PLXNB2: variants seen among roughly 807,000 people sequenced by gnomAD.
The protein encoded by PLXNB2 is plexin B2.
PLXNB2 carries 85 observed loss-of-function variants against 202.6 expected under a neutral mutation model. That is an observed-to-expected ratio of 0.42 (90% CI 0.35 to 0.50). The LOEUF (loss-of-function observed/expected upper bound fraction) is 0.50. Ranked by LOEUF, PLXNB2 falls within the 20% of genes least tolerant of loss-of-function variation. The pLI is 0.02. For missense variants in PLXNB2, 2,063 were observed against 2,586.2 expected (o/e 0.80, Z 4.39); for synonymous variants, 1,239 against 1,137.6 (o/e 1.09, Z -1.79).
intron 1 of PLXNB2, among the ~76,000 whole-genome samples, chr22:50,303,378 A>G (rs1233091504): frequency 6.6e-6 from 1 of 152,172 alleles, no homozygotes; most frequent in Non-Finnish European, 1.5e-5. Flanking sequence ...GCCTGGAAGG[A>G]GCAGACAGTG....
chr22:50,290,017 G>C lies in PLXNB2; in HGVS notation c.568C>G (p.Arg190Gly), dbSNP rs377754571. ...TCAAAGGCCTCCCTGCTGTCAGTCC[G>C]GTCCAACAGCCGAGTGCTCACGATG... The part of the protein sequence containing the change: ...GIIVSTRLLD[R>G]TDSREAFEAY... Residue 190 changes from arginine (R) to glycine (G), a missense_variant, in exon 3 of 37, where the codon CGG becomes GGG. Physicochemically the swap from Arg to Gly is moderately radical, Grantham distance 125. Coordinates refer to ENST00000359337, the MANE Select transcript of PLXNB2 (RefSeq NM_012401.4). 1.2e-6 allele frequency: 2 copies of C among 1,613,274 alleles called. No individual in the cohort carries two copies. Among genetic ancestry groups the C allele is most frequent in the African/African-American group, 2.7e-5 (2 of 74,938 alleles).
At position 50,278,432 on chromosome 22, in the gene PLXNB2, C is replaced by A; in HGVS notation, c.4732+3G>T. 1 of 1,559,362 alleles carries A rather than the reference C, an allele frequency of 6.4e-7. No homozygotes were observed. Among genetic ancestry groups the A allele is most frequent in the Non-Finnish European group, 8.7e-7 (1 of 1,151,626 alleles). On this transcript the variant is annotated splice_donor_region_variant and intron_variant, in intron 30 of 36. Transcript: ENST00000359337. ...AGGAAACGGGCAACAGGGAGGGACT[C>A]ACGCTCCCCAGGCAGGTCCTGCTGG... is the stretch of plus-strand genomic sequence containing the variant.
chr22:50,307,442 G>C, intron 1 of PLXNB2, 111 bp downstream of exon 1: 1 of 546,204 alleles, frequency 1.8e-6, no homozygotes, highest in East Asian at 1.5e-4. Context: ...CGCAGCCGCC[G>C]CAGGTCCCCG....
intron 25 of PLXNB2, 91 bp downstream of exon 25, chr22:50,280,398 C>T (rs1221475784): frequency 1.3e-5 from 16 of 1,261,320 alleles, no homozygotes; most frequent in Non-Finnish European, 1.7e-5. Context: ...CTCCTGGGGG[C>T]CCAACAGGCC....
chr22:50,287,001 G>C, intron 8 of PLXNB2, 110 bp downstream of exon 8: 1 of 1,112,940 alleles, frequency 9.0e-7, no homozygotes, highest in South Asian at 1.8e-5. Context: ...CAGCCGCGGA[G>C]TGTGCCTGTG....
chr22:50,291,448 T>A lies in PLXNB2; in HGVS notation c.-13-851A>T, dbSNP rs1406354717. 2.0e-5 allele frequency among the ~76,000 whole-genome samples: 3 copies of A among 151,982 alleles called. No individual in the cohort carries two copies. The highest frequency in any genetic ancestry group is 2.9e-5 in the Non-Finnish European group (2 of 67,974). On this transcript the variant is annotated intron_variant, in intron 2 of 36. Coordinates refer to ENST00000359337, the MANE Select transcript of PLXNB2 (RefSeq NM_012401.4). The surrounding 1 kb of genome is among the most constrained non-coding windows in gnomAD (Gnocchi z 4.3). ...CACGTCTCGGTGTGGGGTCTGTGCC[T>A]GGGTCCGGGTGGATGAGGGGGATGT...
rs747951490 is a variant in PLXNB2 at position 50,289,735 on chromosome 22, C to T, written c.850G>A (p.Val284Met). 1.9e-5 allele frequency: 31 copies of T among 1,612,204 alleles called. No homozygotes were observed. Among genetic ancestry groups the T allele is most frequent in the African/African-American group, 5.3e-5 (4 of 74,948 alleles). ...ACCCTGCCAGAGCCAGGCGCAGCCA[C>T]GGAGGCGGCCAGGCAGGTGCCAAAG... ...AAFGTCLAAS[V>M]AAPGSGRVLY... is the part of the protein sequence containing the mutation. Residue 284 changes from valine (V) to methionine (M), a missense_variant, in exon 3 of 37, where the codon GTG (valine) becomes ATG (methionine). Around this residue, in one of 2 missense-constraint regions of PLXNB2, gnomAD observed 1,303 missense variants for 1,476.8 expected, o/e 0.88. Coordinates refer to ENST00000359337, the MANE Select transcript of PLXNB2 (RefSeq NM_012401.4). The surrounding 1 kb of genome is among the most constrained non-coding windows in gnomAD (Gnocchi z 8.0).
chr22:50,279,699 T>A lies in PLXNB2; in HGVS notation c.4320A>T (p.Val1440=). 3 of 1,613,954 alleles carry A rather than the reference T, an allele frequency of 1.9e-6. No individual in the cohort carries two copies. The highest frequency in any genetic ancestry group is 2.5e-6 in the Non-Finnish European group (3 of 1,179,938). The change falls in exon 27 of 37, where the codon GTA becomes GTT. Residue 1440 remains valine (V), a synonymous_variant. Coordinates refer to ENST00000359337, the MANE Select transcript of PLXNB2 (RefSeq NM_012401.4). ...HQVEKGPVDA[V]QKKAKYTLND... The stretch of plus-strand genomic sequence containing the variant: ...TGAGAGTGTACTTGGCCTTCTTCTG[T>A]ACCGCATCCACCGGGCCCTTTTCCA...
Position 50,288,101 on chromosome 22 carries a change from G to A in PLXNB2, c.1381-64C>T. The stretch of plus-strand genomic sequence containing the variant: ...CCGCACGGGCCTTCCGCAGACCCCA[G>A]ATGTCCCCAGACCGCCAGCTTGACC... On this transcript the variant is annotated intron_variant, in intron 5 of 36. Coordinates refer to ENST00000359337, the MANE Select transcript of PLXNB2 (RefSeq NM_012401.4). This position sits in a 1 kb window ranked among gnomAD's most constrained non-coding sequence, Gnocchi z 5.0. 1 of 1,266,402 alleles carries A rather than the reference G, an allele frequency of 7.9e-7. No individual in the cohort carries two copies. The highest frequency in any genetic ancestry group is 2.1e-5 in the Admixed American group (1 of 47,410). 78.4% of individuals were successfully genotyped at this position (1,266,402 alleles called of 1,614,324 possible).
Position 50,289,792 on chromosome 22 carries a change from G to C in PLXNB2, c.793C>G (p.Gln265Glu), listed in dbSNP as rs2066740036. 2 of 1,613,108 alleles carry C rather than the reference G, an allele frequency of 1.2e-6. No individual in the cohort carries two copies. Among genetic ancestry groups the C allele is most frequent in the East Asian group, 4.5e-5 (2 of 44,892 alleles). The change falls in exon 3 of 37, where the codon CAG becomes GAG. Residue 265 changes from glutamine to glutamate, a missense_variant. This residue lies in a region of PLXNB2 where 1,303 missense variants were observed against 1,476.8 expected (regional missense o/e 0.88). Coordinates refer to ENST00000359337, the MANE Select transcript of PLXNB2 (RefSeq NM_012401.4). The surrounding 1 kb of genome is among the most constrained non-coding windows in gnomAD (Gnocchi z 8.0). ...NYYSYLEMDLQCRDPDIHAAA... is the reference protein window; with the variant it reads ...NYYSYLEMDLECRDPDIHAAA... ...GCGTGGATGTCGGGGTCCCGGCACTGCAGGTCCATCTCCAGGTAGGAGTAG... is the reference window on the plus strand; with the variant it reads ...GCGTGGATGTCGGGGTCCCGGCACTCCAGGTCCATCTCCAGGTAGGAGTAG...
chr22:50,276,870 TCTC>T lies in PLXNB2; in HGVS notation c.5230_5232del (p.Glu1744del). 4 of 1,606,342 alleles carry T rather than the reference TCTC, an allele frequency of 2.5e-6. No homozygotes were observed. The highest frequency in any genetic ancestry group is 3.4e-6 in the Non-Finnish European group (4 of 1,176,266). ...TCCACCATCTTCTTGTAGGTGGAGA[TCTC>T]CTTGGCGTACAGCAGCTTGTTGCTG... On this transcript the variant is annotated inframe_deletion, in exon 34 of 37. Coordinates refer to ENST00000359337, the MANE Select transcript of PLXNB2 (RefSeq NM_012401.4).
rs750104891 is a variant in PLXNB2 at position 50,283,810 on chromosome 22, A to AG, written c.2421+22dup. 3.1e-6 allele frequency: 5 copies of AG among 1,611,658 alleles called. No individual in the cohort carries two copies. In the South Asian group the frequency reaches 4.4e-5, roughly 14 times the overall value. On this transcript the variant is annotated intron_variant, in intron 14 of 36. Transcript: ENST00000359337. ...TCATGCCAGGGACGAGGGAAGGTGT[A>AG]GGCCAGGCTTCGAGGGGCTCACCCT...
In PLXNB2 at chr22:50,278,493, C is replaced by T. The variant is rs372033464; in HGVS notation, c.4674G>A (p.Leu1558=). 6.3e-5 allele frequency: 98 copies of T among 1,563,608 alleles called. 1 individual carries two copies. Among genetic ancestry groups the T allele is most frequent in the African/African-American group, 4.1e-5 (3 of 73,584 alleles). Residue 1558 remains leucine, a synonymous_variant, in exon 30 of 37, where the codon CTG becomes CTA. Coordinates refer to ENST00000359337, the MANE Select transcript of PLXNB2 (RefSeq NM_012401.4). ...YNVRDGATLI[L]SKVGVSQQPE... is the part of the protein sequence containing the mutation. ...GCTGCTGGGAGACCCCCACCTTGGA[C>T]AGGATGAGGGTGGCTCCATCCCGGA...
In PLXNB2 at chr22:50,282,238, C is replaced by G. The variant is rs1318244384; in HGVS notation, c.3063G>C (p.Glu1021Asp). 1.2e-6 allele frequency: 2 copies of G among 1,612,270 alleles called. No individual in the cohort carries two copies. Among genetic ancestry groups the G allele is most frequent in the Non-Finnish European group, 1.7e-6 (2 of 1,179,870 alleles). Residue 1021 changes from glutamate to aspartate, a missense_variant, in exon 19 of 37, where the codon GAG becomes GAC. Coordinates refer to ENST00000359337, the MANE Select transcript of PLXNB2 (RefSeq NM_012401.4). ...IQRFAMVVIA[E>D]PLQSWQPPRE... is the part of the protein sequence containing the mutation. ...GCGGCGGCTGCCAGGACTGCAGGGG[C>G]TCCGCGATGACCACCATGGCAAACC...
rs1181277464 is a variant in PLXNB2 at position 50,284,269 on chromosome 22, CG to C, written c.2182-57del. On this transcript the variant is annotated intron_variant, in intron 12 of 36. Transcript: ENST00000359337. The surrounding 1 kb of genome is among the most constrained non-coding windows in gnomAD (Gnocchi z 8.0). The stretch of plus-strand genomic sequence containing the variant: ...CCTGCCCCCACAGAGGGGCGTGGGG[CG>C]GGGGTCACAAGGGCAGCCTCCCTGT... 4 of 1,525,898 alleles carry C rather than the reference CG, an allele frequency of 2.6e-6. No individual in the cohort carries two copies. The highest frequency in any genetic ancestry group is 1.1e-5 in the South Asian group (1 of 89,288). The allele number at this position is 1,525,898 out of a possible 1,614,324, so 94.5% of individuals were successfully genotyped here.
chr22:50,280,714 G>GGCCGCCCC, intron 24 of PLXNB2, 30 bp downstream of exon 24: 1 of 1,528,918 alleles, frequency 6.5e-7, no homozygotes, highest in Non-Finnish European at 8.9e-7. Flanking sequence ...CCACCTGTGT[G>GGCCGCCCC]CCCTCCCGCC....
chr22:50,304,063 C>A (rs1569186193), intron 1 of PLXNB2, among the ~76,000 whole-genome samples: 4 of 152,228 alleles, frequency 2.6e-5, no homozygotes. Flanking sequence ...CCATAGCGGG[C>A]CACGGTGTGG....
chr22:50,277,273 C>G (rs2065670699), intron 33 of PLXNB2, among the ~76,000 whole-genome samples: 1 of 151,334 alleles, frequency 6.6e-6, no homozygotes, highest in African/African-American at 2.4e-5. Flanking sequence ...TGCACTCCAG[C>G]CTGGGCGACA....
rs1461936943 is a variant in PLXNB2 at position 50,278,101 on chromosome 22, A to C, written c.4887+16T>G. The C allele has an allele frequency of 6.2e-6, 10 of 1,602,166 alleles. No homozygotes were observed. The highest frequency in any genetic ancestry group is 1.3e-5 in the African/African-American group (1 of 74,564). On this transcript the variant is annotated intron_variant, in intron 31 of 36. Coordinates refer to ENST00000359337, the MANE Select transcript of PLXNB2 (RefSeq NM_012401.4). The stretch of plus-strand genomic sequence containing the variant: ...CGTGGCGGCCTGGTGCCGCCCACAC[A>C]CCCATGGGGGCCCACCTTGACTGAG...
Sources: allele counts gnomAD v4.1 joint callset (sites outside exome capture counted in the v4.1 genomes callset), GRCh38; gene constraint gnomAD v4.1.1; regional missense constraint gnomAD v4.1.1; non-coding constraint Gnocchi (gnomAD v3.1); transcripts MANE v1.5; gene names NCBI Gene and HGNC (gene_info 2026-07-23, HGNC 2026-07-21).